The following AUTS2 variants were observed in gnomAD, a reference collection of about 807,000 sequenced individuals.
AUTS2 encodes activator of transcription and developmental regulator AUTS2.
A neutral mutation model predicts 112.4 loss-of-function variants in AUTS2; 17 were observed. The observed-to-expected ratio is 0.15, with a 90% CI of 0.10 to 0.23. The LOEUF is 0.23. Ranked by LOEUF, AUTS2 falls within the 10% of genes least tolerant of loss-of-function variation. The probability of loss-of-function intolerance (pLI) is 1.00; values close to 1 mark genes in which losing one functional copy is unlikely to be tolerated. For missense variants in AUTS2, 1,510 were observed against 1,701.6 expected, an observed-to-expected ratio of 0.89 and a Z score of 1.98; for synonymous variants, 751 against 702.7, an observed-to-expected ratio of 1.07 and a Z score of -1.09.
chr7:69,641,551 G>A (rs1439729117), intron 1 of AUTS2, among the ~76,000 whole-genome samples: 1 of 152,234 alleles, frequency 6.6e-6, no homozygotes, highest in Non-Finnish European at 1.5e-5. Flanking sequence ...GTTTAGACTT[G>A]GAGCAAGTTA....
Position 70,694,615 on chromosome 7 carries a change from TCTC to T in AUTS2, c.691-3952_691-3950del, listed in dbSNP as rs1264665198. ...CCGCGGCGGCGGCTCAGGCCGCTCT[TCTC>T]CGCCTCGCCCTCCCGCCGGCCGGCC... is the stretch of plus-strand genomic sequence containing the variant. On this transcript the variant is annotated intron_variant, in intron 5 of 18. Coordinates refer to ENST00000342771, the MANE Select transcript of AUTS2 (RefSeq NM_015570.4). This position sits in a 1 kb window ranked among gnomAD's most constrained non-coding sequence, Gnocchi z 4.1. 3 of 147,658 alleles carry T rather than the reference TCTC, an allele frequency of 2.0e-5. No homozygotes were observed. The highest frequency in any genetic ancestry group is 2.1e-4 in the South Asian group (1 of 4,766). 9.1% of individuals were successfully genotyped at this position (147,658 alleles called of 1,614,324 possible).
chr7:69,779,178 C>T (rs148812205), intron 1 of AUTS2, among the ~76,000 whole-genome samples: 5 of 151,642 alleles, frequency 3.3e-5, no homozygotes, highest in African/African-American at 9.7e-5. Context: ...TGTGAGCCAC[C>T]GTGCCTGTTT....
intron 1 of AUTS2, among the ~76,000 whole-genome samples, chr7:69,860,925 A>T (rs1792951676): frequency 6.6e-6 from 1 of 152,206 alleles, no homozygotes; most frequent in South Asian, 2.1e-4. Context: ...GTCCGATGTC[A>T]TGATTTTATT....
At position 70,790,890 on chromosome 7, in the gene AUTS2, C is replaced by G. The variant is rs1791904739; in HGVS notation, c.3674C>G (p.Ser1225Cys). The change falls in exon 19 of 19, where the codon TCC becomes TGC. Residue 1225 changes from serine (S) to cysteine (C), a missense_variant. This residue lies in a region of AUTS2 where 788 missense variants were observed against 797.6 expected (regional missense o/e 0.99). Transcript: ENST00000342771. This position sits in a 1 kb window ranked among gnomAD's most constrained non-coding sequence, Gnocchi z 7.6. ...AALSAPPPLI[S>C]TLGGRPVSPR... ...CTGAGCGCACCTCCCCCGCTCATCT[C>G]CACGCTGGGGGGCCGCCCGGTCTCT... The G allele has an allele frequency of 3.1e-6, 5 of 1,598,940 alleles. No individual in the cohort carries two copies. The highest frequency in any genetic ancestry group is 4.3e-6 in the Non-Finnish European group (5 of 1,172,256).
chr7:70,333,934 T>C (rs1790874103), intron 4 of AUTS2, among the ~76,000 whole-genome samples: 1 of 152,192 alleles, frequency 6.6e-6, no homozygotes, highest in Admixed American at 6.5e-5. Flanking sequence ...TCTGCAAATG[T>C]ATCCCAGAAT....
chr7:69,793,978 CG>C (rs1789731461), intron 1 of AUTS2, among the ~76,000 whole-genome samples: 2 of 152,130 alleles, frequency 1.3e-5, no homozygotes, highest in African/African-American at 4.8e-5. Context: ...CCACTCAAAG[CG>C]GGGGTGATTG....
intron 1 of AUTS2, among the ~76,000 whole-genome samples, chr7:69,881,338 T>C (rs1794035171): frequency 6.6e-6 from 1 of 151,474 alleles, no homozygotes; most frequent in Non-Finnish European, 1.5e-5. Context: ...TGATGTTACA[T>C]TGAGGTGTTC....
chr7:70,212,425 C>T (rs1252677803), intron 4 of AUTS2, among the ~76,000 whole-genome samples: 2 of 152,202 alleles, frequency 1.3e-5, no homozygotes, highest in African/African-American at 4.8e-5. Context: ...AGACTGGGAC[C>T]ACGTTCCTGA....
At chr7:69,995,466 C>G (rs1472757215) in intron 2 of AUTS2, among the ~76,000 whole-genome samples, 1 of 152,202 alleles carries the variant, frequency 6.6e-6, no homozygotes, top group Non-Finnish European at 1.5e-5. Flanking sequence ...TACCGACTGA[C>G]TATGAAGGAG....
chr7:70,731,672 A>G (rs35745054), intron 6 of AUTS2, among the ~76,000 whole-genome samples: 19,882 of 151,420 alleles, frequency 0.13, 1,833 homozygotes, highest in East Asian at 0.41. Flanking sequence ...CTTGTGATCC[A>G]CCCACCTCGG....
At chr7:69,774,499 C>T (rs1788811234) in intron 1 of AUTS2, among the ~76,000 whole-genome samples, 1 of 152,218 alleles carries the variant, frequency 6.6e-6, no homozygotes, top group African/African-American at 2.4e-5. Flanking sequence ...GTAATGGATA[C>T]AAGCACTGAG....
In AUTS2 at chr7:70,468,451, G is replaced by C. The variant is rs557358777; in HGVS notation, c.690+32670G>C. ...ACTTTAGATCCAAGATCAGTAAAGA[G>C]ATTGCCTTGAAGATTTAAATGAGCT... On this transcript the variant is annotated intron_variant, in intron 5 of 18. Coordinates refer to ENST00000342771, the MANE Select transcript of AUTS2 (RefSeq NM_015570.4). Among the ~76,000 whole-genome samples, 3 of 152,268 alleles carry C rather than the reference G, an allele frequency of 2.0e-5. No homozygotes were observed. In the East Asian group the frequency reaches 5.8e-4, roughly 29 times the overall value.
intron 5 of AUTS2, among the ~76,000 whole-genome samples, chr7:70,622,582 G>T (rs930794246): frequency 1.3e-5 from 2 of 152,076 alleles, no homozygotes; most frequent in African/African-American, 4.8e-5. Flanking sequence ...CTCTTGCCAA[G>T]AATGTTCTTT....
chr7:69,888,704 C>T (rs1041407057), intron 1 of AUTS2, among the ~76,000 whole-genome samples: 2 of 151,690 alleles, frequency 1.3e-5, no homozygotes, highest in African/African-American at 2.4e-5. Context: ...GCCTCAGCCT[C>T]CCGAGTAGCT....
chr7:69,987,822 T>A (rs1798575775), intron 2 of AUTS2, among the ~76,000 whole-genome samples: 1 of 152,212 alleles, frequency 6.6e-6, no homozygotes, highest in South Asian at 2.1e-4. Flanking sequence ...ATTTGATTGG[T>A]TTTAAAATAT....
chr7:69,733,824 T>A (rs1283556406), intron 1 of AUTS2, among the ~76,000 whole-genome samples: 1 of 152,194 alleles, frequency 6.6e-6, no homozygotes. Flanking sequence ...CACTTCCTTA[T>A]CTTCTTTGAG....
intron 4 of AUTS2, among the ~76,000 whole-genome samples, chr7:70,273,809 G>A (rs1787805550): frequency 6.6e-6 from 1 of 151,966 alleles, no homozygotes; most frequent in East Asian, 1.9e-4. Flanking sequence ...GCATTTGGTT[G>A]AAAAAAGTCT....
At chr7:70,116,176 T>C (rs1202510599) in intron 2 of AUTS2, among the ~76,000 whole-genome samples, 1 of 152,172 alleles carries the variant, frequency 6.6e-6, no homozygotes, top group Non-Finnish European at 1.5e-5. Flanking sequence ...AGGAGAAAAC[T>C]AAGTACTTAA....
At chr7:69,926,081 G>A (rs1795995406) in intron 2 of AUTS2, among the ~76,000 whole-genome samples, 1 of 152,138 alleles carries the variant, frequency 6.6e-6, no homozygotes, top group South Asian at 2.1e-4. Flanking sequence ...CCCAGAATAT[G>A]GTCTTTCTTT....
Sources: allele counts gnomAD v4.1 joint callset (sites outside exome capture counted in the v4.1 genomes callset), GRCh38; gene constraint gnomAD v4.1.1; regional missense constraint gnomAD v4.1.1; non-coding constraint Gnocchi (gnomAD v3.1); transcripts MANE v1.5; gene names NCBI Gene and HGNC (gene_info 2026-07-23, HGNC 2026-07-21).